The following SLC23A3 variants were observed in gnomAD, a reference collection of about 807,000 sequenced individuals.
SLC23A3 encodes the protein E2-binding protein 3.
SLC23A3 carries 41 observed loss-of-function variants against 64.7 expected under a neutral mutation model. That is an observed-to-expected ratio of 0.63 (90% CI 0.49 to 0.82). The LOEUF is 0.82. SLC23A3 is among the 40% of genes least tolerant of loss of function. SLC23A3 has a pLI of 0.00. For synonymous variants in SLC23A3, 281 were observed against 306.8 expected (o/e 0.92, Z 0.88); for missense variants, 647 against 733.4 (o/e 0.88, Z 1.36).
chr2:219,168,134 G>A, intron 6 of SLC23A3, 61 bp downstream of exon 6: 1 of 1,594,778 alleles, frequency 6.3e-7, no homozygotes, highest in Non-Finnish European at 8.5e-7. Context: ...GGTAGGGGAT[G>A]GAGTGAGCAC....
intron 8 of SLC23A3, 75 bp from the exon 9 acceptor site, chr2:219,164,413 TCTCATCATTTGGATCCCAG>T (rs2106376554): frequency 1.0e-6 from 1 of 965,774 alleles, no homozygotes; most frequent in South Asian, 1.5e-5. Flanking sequence ...ACTGGTTCCT[TCTCATCATTTGGATCCCAG>T]CTCAAATGTT....
Position 219,161,998 on chromosome 2 carries a change from AG to A in SLC23A3, c.1743del (p.Ser582LeufsTer39). The stretch of plus-strand genomic sequence containing the variant: ...AAGTCTGCCATCTCTTCTGGCTCAG[AG>A]GAGCCTCCTTCCTCATCCCCAGGGT... ...PEDPGDEEGG[S>X]SEPEEMADLL... On this transcript the variant is annotated frameshift_variant, in exon 12 of 12. Coordinates refer to ENST00000409878, the MANE Select transcript of SLC23A3 (RefSeq NM_001144889.2). LOFTEE classifies it high-confidence loss of function. 4 of 1,613,968 alleles carry A rather than the reference AG, an allele frequency of 2.5e-6. No homozygotes were observed. Among genetic ancestry groups the A allele is most frequent in the Non-Finnish European group, 3.4e-6 (4 of 1,179,916 alleles).
intron 9 of SLC23A3, 67 bp from the exon 10 acceptor site, chr2:219,163,622 T>C (rs1467651356): frequency 1.1e-5 from 16 of 1,407,986 alleles, no homozygotes; most frequent in Non-Finnish European, 1.5e-5. Flanking sequence ...CATGGAGTAT[T>C]GCAGGGCAAG....
rs768241640 is a variant in SLC23A3, at chr2:219,165,004, C to T, written c.1167+165G>A. On this transcript the variant is annotated intron_variant, in intron 8 of 11. Coordinates refer to ENST00000409878, the MANE Select transcript of SLC23A3 (RefSeq NM_001144889.2). ...CACAGGAGTTCCGTGGTGATTTGTTCACTTCCCCACTCTCTTAGCCCAAAG... is the reference window on the plus strand; with the variant it reads ...CACAGGAGTTCCGTGGTGATTTGTTTACTTCCCCACTCTCTTAGCCCAAAG... 615 of 883,440 alleles carry T rather than the reference C, an allele frequency of 7.0e-4. 4 individuals are homozygous for T. Among genetic ancestry groups the T allele is most frequent in the Non-Finnish European group, 6.3e-4 (381 of 600,234 alleles). 54.7% of individuals were successfully genotyped at this position (883,440 alleles called of 1,614,324 possible).
At position 219,161,929 on chromosome 2, in the gene SLC23A3, C is replaced by T; in HGVS notation, c.1813G>A (p.Gly605Arg). ...TCTGGTCATTTCTGGGACCTAAACC[C>T]TTCTCTGCTAGATTCAGGGCATGGC... The part of the protein sequence containing the change: ...GEPCPESSRE[G>R]FRSQK The change falls in exon 12 of 12, where the codon GGG becomes AGG. Residue 605 changes from glycine to arginine, a missense_variant. Coordinates refer to ENST00000409878, the MANE Select transcript of SLC23A3 (RefSeq NM_001144889.2). 6.3e-7 allele frequency: 1 copy of T among 1,579,674 alleles called. No homozygotes were observed. The highest frequency in any genetic ancestry group is 1.7e-4 in the Middle Eastern group (1 of 5,848).
intron 7 of SLC23A3, among the ~76,000 whole-genome samples, chr2:219,166,573 C>T (rs1488866800): frequency 4.6e-5 from 7 of 151,736 alleles, no homozygotes; most frequent in African/African-American, 9.7e-5. Context: ...CTCACTCTGT[C>T]GCCTGGGCTA....
chr2:219,168,036 G>C lies in SLC23A3; in HGVS notation c.807C>G (p.Ile269Met). The change falls in exon 7 of 12, where the codon ATC becomes ATG. Residue 269 changes from isoleucine (I) to methionine (M), a missense_variant. Physicochemically the swap from Ile to Met is conservative, Grantham distance 10. Coordinates refer to ENST00000409878, the MANE Select transcript of SLC23A3 (RefSeq NM_001144889.2). ...LPVFRLLSVL[I>M]PVACVWIVSA... ...AAACAATCCACACACAGGCCACTGG[G>C]ATCAGCACCTGAGGGGCGAGACTGA... 6.3e-7 allele frequency: 1 copy of C among 1,583,424 alleles called. No homozygotes were observed.
At position 219,161,856 on chromosome 2, in the gene SLC23A3, C is replaced by G; in HGVS notation, c.*53G>C. The G allele has an allele frequency of 6.6e-7, 1 of 1,506,344 alleles. No homozygotes were observed. Among genetic ancestry groups the G allele is most frequent in the Admixed American group, 2.3e-5 (1 of 44,192 alleles). The allele number at this position is 1,506,344 out of a possible 1,614,324, so 93.3% of individuals were successfully genotyped here. On this transcript the variant is annotated 3_prime_UTR_variant, in exon 12 of 12. Transcript: ENST00000409878. Reference sequence around the variant, plus strand: ...AAAGAACAGTTTGGGAGCTGACTCTCCAGCAGATGAGAGTTAGGGCTAAAT... The same window carrying G: ...AAAGAACAGTTTGGGAGCTGACTCTGCAGCAGATGAGAGTTAGGGCTAAAT...
Position 219,169,519 on chromosome 2 carries a change from A to G in SLC23A3, c.320+2T>C, listed in dbSNP as rs1574763024. Reference sequence around the variant, plus strand: ...CCCTCTCTCCAGGGAGGTTCCTCTCACCTGCTGCCCATCCAAGTTTGCAGG... The same window carrying G: ...CCCTCTCTCCAGGGAGGTTCCTCTCGCCTGCTGCCCATCCAAGTTTGCAGG... On this transcript the variant is annotated splice_donor_variant, in intron 2 of 11. Transcript: ENST00000409878. LOFTEE classifies it high-confidence loss of function. The surrounding 1 kb of genome is among the most constrained non-coding windows in gnomAD (Gnocchi z 4.5). 6.2e-7 allele frequency: 1 copy of G among 1,613,926 alleles called. No individual in the cohort carries two copies. Among genetic ancestry groups the G allele is most frequent in the Non-Finnish European group, 8.5e-7 (1 of 1,179,990 alleles).
rs780890021 is a variant in SLC23A3 at position 219,168,240 on chromosome 2, T to C, written c.753A>G (p.Ser251=). The C allele has an allele frequency of 1.9e-6, 3 of 1,613,904 alleles. No homozygotes were observed. Among genetic ancestry groups the C allele is most frequent in the Non-Finnish European group, 2.5e-6 (3 of 1,179,948 alleles). The change falls in exon 6 of 12, where the codon TCA becomes TCG. Residue 251 remains serine (S), a synonymous_variant. Transcript: ENST00000409878. ...GGAGAGGAGTGTGAGTTGATGACGT[T>C]GAAGCTCGCCTCCAGGGGCACACAT... is the stretch of plus-strand genomic sequence containing the variant. ...QFHVCPWRRA[S]TSSTHTPLPV... is the part of the protein sequence containing the mutation.
rs1480525009 is a variant in SLC23A3, at chr2:219,169,476, T to G, written c.320+45A>C. The G allele has an allele frequency of 6.2e-7, 1 of 1,613,462 alleles. No homozygotes were observed. Among genetic ancestry groups the G allele is most frequent in the Non-Finnish European group, 8.5e-7 (1 of 1,179,678 alleles). On this transcript the variant is annotated intron_variant, in intron 2 of 11. Coordinates refer to ENST00000409878, the MANE Select transcript of SLC23A3 (RefSeq NM_001144889.2). This position sits in a 1 kb window ranked among gnomAD's most constrained non-coding sequence, Gnocchi z 4.5. Reference sequence around the variant, plus strand: ...CAGCAAGGCTCCCCCAAACCTCTCCTACCCTCCAGGACTCTGCCCCTCTCT... The same window carrying G: ...CAGCAAGGCTCCCCCAAACCTCTCCGACCCTCCAGGACTCTGCCCCTCTCT...
intron 10 of SLC23A3, among the ~76,000 whole-genome samples, chr2:219,162,678 C>G (rs1359115142): frequency 6.6e-6 from 1 of 152,092 alleles, no homozygotes; most frequent in African/African-American, 2.4e-5. Flanking sequence ...ATATTTAAGT[C>G]CCAACCTCAT....
chr2:219,169,636 GC>G lies in SLC23A3; in HGVS notation c.204del (p.Leu69SerfsTer48). 4 of 1,614,224 alleles carry G rather than the reference GC, an allele frequency of 2.5e-6. No homozygotes were observed. The highest frequency in any genetic ancestry group is 2.5e-6 in the Non-Finnish European group (3 of 1,180,020). On this transcript the variant is annotated frameshift_variant, in exon 2 of 12. Coordinates refer to ENST00000409878, the MANE Select transcript of SLC23A3 (RefSeq NM_001144889.2). LOFTEE classifies it high-confidence loss of function. This position sits in a 1 kb window ranked among gnomAD's most constrained non-coding sequence, Gnocchi z 4.5. ...CCTGGGGAGAGACTGCAAAGCAGGA[GC>G]AGGTGGGAGACACAGAGCAGAGAAG... is the stretch of plus-strand genomic sequence containing the variant. ...VMASLLCVSH[L>X]LLLCSLSPGG...
Position 219,169,258 on chromosome 2 carries a change from C to T in SLC23A3, c.418+51G>A. On this transcript the variant is annotated intron_variant, in intron 3 of 11. Transcript: ENST00000409878. This position sits in a 1 kb window ranked among gnomAD's most constrained non-coding sequence, Gnocchi z 4.5. ...CTGCACCCACCTACACCTGCATGCTCAGATGAGAACCCAGCCCCACCCTTA... is the reference window on the plus strand; with the variant it reads ...CTGCACCCACCTACACCTGCATGCTTAGATGAGAACCCAGCCCCACCCTTA... 1 of 1,613,688 alleles carries T rather than the reference C, an allele frequency of 6.2e-7. No individual in the cohort carries two copies. The highest frequency in any genetic ancestry group is 8.5e-7 in the Non-Finnish European group (1 of 1,179,934).
intron 10 of SLC23A3, 43 bp from the exon 11 acceptor site, chr2:219,162,437 A>G (rs1440038463): frequency 3.4e-6 from 5 of 1,476,732 alleles, no homozygotes; most frequent in Non-Finnish European, 4.7e-6. Context: ...CTCTGATCCT[A>G]TATCCAAGCC....
chr2:219,161,874 G>A lies in SLC23A3; in HGVS notation c.*35C>T. 6.6e-7 allele frequency: 1 copy of A among 1,518,278 alleles called. No homozygotes were observed. Among genetic ancestry groups the A allele is most frequent in the Non-Finnish European group, 8.8e-7 (1 of 1,134,168 alleles). 94.1% of individuals were successfully genotyped at this position (1,518,278 alleles called of 1,614,324 possible). Reference sequence around the variant, plus strand: ...TGACTCTCCAGCAGATGAGAGTTAGGGCTAAATTAACCAGGGCAGAAGTAG... The same window carrying A: ...TGACTCTCCAGCAGATGAGAGTTAGAGCTAAATTAACCAGGGCAGAAGTAG... On this transcript the variant is annotated 3_prime_UTR_variant, in exon 12 of 12. Transcript: ENST00000409878.
chr2:219,162,937 G>C (rs1031491455), intron 10 of SLC23A3, among the ~76,000 whole-genome samples: 3 of 152,288 alleles, frequency 2.0e-5, no homozygotes, highest in African/African-American at 7.2e-5. Context: ...ACCCAGTTGA[G>C]AACTGGGTGA....
chr2:219,163,634 A>C (rs1949972272), intron 9 of SLC23A3, 79 bp from the exon 10 acceptor site: 3 of 1,280,788 alleles, frequency 2.3e-6, no homozygotes, highest in Non-Finnish European at 3.3e-6. Context: ...CAGGGCAAGC[A>C]GGTTGTAATG....
Position 219,161,902 on chromosome 2 carries a change from G to A in SLC23A3, c.*7C>T, listed in dbSNP as rs183650250. The A allele has an allele frequency of 8.4e-3, 12,945 of 1,535,942 alleles. 79 individuals are homozygous for A. Among genetic ancestry groups the A allele is most frequent in the Non-Finnish European group, 0.01 (11,442 of 1,142,526 alleles). Reference sequence around the variant, plus strand: ...TAAATTAACCAGGGCAGAAGTAGGCGTTCTGGTCATTTCTGGGACCTAAAC... The same window carrying A: ...TAAATTAACCAGGGCAGAAGTAGGCATTCTGGTCATTTCTGGGACCTAAAC... On this transcript the variant is annotated 3_prime_UTR_variant, in exon 12 of 12. Transcript: ENST00000409878.
Sources: allele counts gnomAD v4.1 joint callset (sites outside exome capture counted in the v4.1 genomes callset), GRCh38; gene constraint gnomAD v4.1.1; non-coding constraint Gnocchi (gnomAD v3.1); transcripts MANE v1.5; gene names NCBI Gene and HGNC (gene_info 2026-07-23, HGNC 2026-07-21).